GRID2: variants seen among roughly 807,000 people sequenced by gnomAD.
GRID2 encodes the protein glutamate receptor ionotropic, delta-2.
GRID2 carries 33 observed loss-of-function variants against 114.8 expected under a neutral mutation model. That is an observed-to-expected ratio of 0.29 (90% CI 0.22 to 0.38). The LOEUF (loss-of-function observed/expected upper bound fraction) is 0.38. GRID2 is among the 10% of genes least tolerant of loss of function. GRID2 has a pLI of 1.00. For synonymous variants in GRID2, 505 were observed against 449.9 expected (o/e 1.12, Z -1.55); for missense variants, 1,184 against 1,257.7 (o/e 0.94, Z 0.89).
At chr4:93,012,401 G>A (rs1380533959) in intron 2 of GRID2, among the ~76,000 whole-genome samples, 1 of 151,848 alleles carries the variant, frequency 6.6e-6, no homozygotes, top group Non-Finnish European at 1.5e-5. Context: ...GTCTCTCTTT[G>A]TCTACATTTT....
intron 8 of GRID2, among the ~76,000 whole-genome samples, chr4:93,249,333 T>C (rs1748569970): frequency 6.6e-6 from 1 of 152,180 alleles, no homozygotes; most frequent in South Asian, 2.1e-4. Context: ...TCTTTTGGCT[T>C]AGGATTGTCT....
intron 2 of GRID2, among the ~76,000 whole-genome samples, chr4:92,949,118 A>T (rs564687555): frequency 6.6e-6 from 1 of 151,380 alleles, no homozygotes; most frequent in African/African-American, 2.4e-5. Flanking sequence ...TTGTTATACA[A>T]TTAGACAAAG....
intron 8 of GRID2, among the ~76,000 whole-genome samples, chr4:93,251,878 T>C (rs898106221): frequency 2.6e-5 from 4 of 152,216 alleles, no homozygotes; most frequent in African/African-American, 9.6e-5. Context: ...ATTGTGTATA[T>C]GTACCACATG....
intron 1 of GRID2, among the ~76,000 whole-genome samples, chr4:92,332,092 C>A (rs1265356285): frequency 6.6e-6 from 1 of 152,098 alleles, no homozygotes; most frequent in Non-Finnish European, 1.5e-5. Context: ...CACACGTTTA[C>A]CCATTTTCAG....
intron 8 of GRID2, among the ~76,000 whole-genome samples, chr4:93,263,213 A>G (rs910623797): frequency 8.6e-5 from 13 of 151,880 alleles, no homozygotes; most frequent in African/African-American, 2.9e-4. Context: ...AATCATGTTT[A>G]TCTAATGGAT....
In GRID2 at chr4:93,455,215, A is replaced by C. The variant is rs17020622; in HGVS notation, c.1546-447A>C. ...TGAAGAGAAATATAAACCAATGGTA[A>C]AATGCCATGTTGAAGTTTCTAAATA... On this transcript the variant is annotated intron_variant, in intron 10 of 15. Transcript: ENST00000282020. Among the ~76,000 whole-genome samples the C allele has an allele frequency of 8.1e-3, 1,239 of 152,252 alleles. 20 individuals carry two copies. Among genetic ancestry groups the C allele is most frequent in the African/African-American group, 0.028 (1,184 of 41,552 alleles).
At chr4:93,678,583 C>G (rs1190371740) in intron 14 of GRID2, among the ~76,000 whole-genome samples, 1 of 152,090 alleles carries the variant, frequency 6.6e-6, no homozygotes, top group East Asian at 1.9e-4. Context: ...GATCTCTCAG[C>G]AGAAACTCTA....
intron 1 of GRID2, among the ~76,000 whole-genome samples, chr4:92,329,693 A>C (rs1204251173): frequency 6.6e-6 from 1 of 151,960 alleles, no homozygotes; most frequent in Non-Finnish European, 1.5e-5. Flanking sequence ...TAGAAAAAAC[A>C]CTCAAAAATC....
At chr4:92,477,191 ACT>A (rs1318362753) in intron 1 of GRID2, among the ~76,000 whole-genome samples, 1 of 149,550 alleles carries the variant, frequency 6.7e-6, no homozygotes, top group African/African-American at 2.5e-5. Flanking sequence ...GCACTTGAAA[ACT>A]CTAGCACAAT....
At chr4:93,059,076 C>G (rs1337911087) in intron 2 of GRID2, among the ~76,000 whole-genome samples, 2 of 151,938 alleles carry the variant, frequency 1.3e-5, no homozygotes, top group Non-Finnish European at 2.9e-5. Context: ...ACCAGGAGCT[C>G]TTAGTAATTT....
chr4:92,537,928 AC>A (rs1329928797), intron 1 of GRID2, among the ~76,000 whole-genome samples: 1 of 151,428 alleles, frequency 6.6e-6, no homozygotes, highest in Non-Finnish European at 1.5e-5. Flanking sequence ...TAGATTGAAA[AC>A]CCTCTCTCCA....
At chr4:93,651,722 G>A (rs768938942) in intron 14 of GRID2, among the ~76,000 whole-genome samples, 12 of 152,152 alleles carry the variant, frequency 7.9e-5, no homozygotes, top group Non-Finnish European at 1.5e-4. Flanking sequence ...TTAAGTTAAC[G>A]TGAACTTGTT....
chr4:93,041,268 G>C (rs1371253638), intron 2 of GRID2, among the ~76,000 whole-genome samples: 1 of 152,154 alleles, frequency 6.6e-6, no homozygotes. Context: ...ATAAATCAAA[G>C]TATAAAAATA....
At chr4:93,317,507 C>A (rs1040059679) in intron 8 of GRID2, among the ~76,000 whole-genome samples, 1 of 151,922 alleles carries the variant, frequency 6.6e-6, no homozygotes, top group South Asian at 2.1e-4. Flanking sequence ...TGATTTTGTG[C>A]CACATAAAAT....
chr4:92,575,738 A>G (rs1244888981), intron 1 of GRID2, among the ~76,000 whole-genome samples: 1 of 151,904 alleles, frequency 6.6e-6, no homozygotes, highest in Non-Finnish European at 1.5e-5. Flanking sequence ...TCCTTGGGCA[A>G]CTCTTCAGCT....
intron 4 of GRID2, among the ~76,000 whole-genome samples, chr4:93,143,222 C>T (rs1327322572): frequency 6.6e-6 from 1 of 152,124 alleles, no homozygotes; most frequent in Non-Finnish European, 1.5e-5. Context: ...TATGTTAAAA[C>T]CACTTGTTGA....
intron 13 of GRID2, among the ~76,000 whole-genome samples, chr4:93,531,734 G>A (rs897452711): frequency 2.6e-5 from 4 of 151,884 alleles, no homozygotes; most frequent in African/African-American, 9.7e-5. Flanking sequence ...ATAGACAGAT[G>A]TACATTACTA....
intron 2 of GRID2, among the ~76,000 whole-genome samples, chr4:92,638,238 A>G (rs1414533034): frequency 6.6e-6 from 1 of 151,562 alleles, no homozygotes; most frequent in African/African-American, 2.4e-5. Context: ...GCTGTTGCTC[A>G]CATTTTAAAT....
intron 14 of GRID2, among the ~76,000 whole-genome samples, chr4:93,701,126 T>C (rs1727473162): frequency 6.6e-6 from 1 of 152,106 alleles, no homozygotes. Context: ...GAATAAAAAA[T>C]AAAAAGTAAT....
Sources: allele counts gnomAD v4.1 joint callset (sites outside exome capture counted in the v4.1 genomes callset), GRCh38; gene constraint gnomAD v4.1.1; transcripts MANE v1.5; gene names NCBI Gene and HGNC (gene_info 2026-07-23, HGNC 2026-07-21).